The following EGFR variants were observed in gnomAD, a reference collection of about 807,000 sequenced individuals.
The protein encoded by EGFR is epidermal growth factor receptor.
In EGFR, 58 loss-of-function variants were observed where a neutral mutation model predicts 143.0. That is an observed-to-expected ratio of 0.41 (90% CI 0.33 to 0.50). EGFR has a LOEUF of 0.50. EGFR is among the 20% of genes least tolerant of loss of function. EGFR has a pLI of 0.39. For missense variants in EGFR, 1,307 were observed against 1,579.0 expected (o/e 0.83, Z 2.92); for synonymous variants, 613 against 594.4 (o/e 1.03, Z -0.45).
intron 1 of EGFR, among the ~76,000 whole-genome samples, chr7:55,020,345 G>A (rs1192975307): frequency 6.6e-6 from 1 of 152,242 alleles, no homozygotes; most frequent in Admixed American, 6.5e-5. Context: ...TGGGCTTCGC[G>A]GTGGAGCGGG....
intron 13 of EGFR, among the ~76,000 whole-genome samples, chr7:55,161,946 A>G (rs188404091): frequency 5.6e-4 from 85 of 152,362 alleles, no homozygotes; most frequent in African/African-American, 1.9e-3. Context: ...GACAGTCATC[A>G]ATGGTTCATC....
At chr7:55,170,693 AC>A (rs781307402) in intron 15 of EGFR, 277 of 1,559,782 alleles carry the variant, frequency 1.8e-4, no homozygotes, top group Non-Finnish European at 2.3e-4. Flanking sequence ...GCTAACCATC[AC>A]CCCCAGGACT....
intron 22 of EGFR, among the ~76,000 whole-genome samples, chr7:55,193,906 T>A (rs367889689): frequency 1.7e-3 from 266 of 152,332 alleles, no homozygotes; most frequent in African/African-American, 6.3e-3. Context: ...TCTGTTAAAA[T>A]GTAAGATTTA....
At chr7:55,044,618 T>C (rs1282320907) in intron 1 of EGFR, among the ~76,000 whole-genome samples, 1 of 152,174 alleles carries the variant, frequency 6.6e-6, no homozygotes, top group Non-Finnish European at 1.5e-5. Context: ...CCTTGGCATT[T>C]GGGCAGGGCA....
chr7:55,122,111 C>A (rs904922613), intron 1 of EGFR, among the ~76,000 whole-genome samples: 1 of 152,186 alleles, frequency 6.6e-6, no homozygotes, highest in African/African-American at 2.4e-5. Context: ...TCTCTAGGAG[C>A]CTCTGTGACC....
chr7:55,110,904 A>G (rs957181725), intron 1 of EGFR, among the ~76,000 whole-genome samples: 1 of 152,172 alleles, frequency 6.6e-6, no homozygotes. Flanking sequence ...CATTGACACT[A>G]TGCAGAAATG....
At chr7:55,040,055 T>C (rs1787812889) in intron 1 of EGFR, among the ~76,000 whole-genome samples, 1 of 152,162 alleles carries the variant, frequency 6.6e-6, no homozygotes, top group African/African-American at 2.4e-5. Flanking sequence ...TGTGTCCCGG[T>C]TTGAAAGCCA....
chr7:55,199,425 G>A (rs1460596551), intron 23 of EGFR, among the ~76,000 whole-genome samples: 1 of 152,248 alleles, frequency 6.6e-6, no homozygotes, highest in African/African-American at 2.4e-5. Flanking sequence ...CATGGGATGA[G>A]CATTTGCAAA....
At chr7:55,070,557 A>G (rs1277913475) in intron 1 of EGFR, among the ~76,000 whole-genome samples, 1 of 152,246 alleles carries the variant, frequency 6.6e-6, no homozygotes, top group Non-Finnish European at 1.5e-5. Flanking sequence ...AGCCTGTGAA[A>G]CATTGACAAG....
At position 55,205,339 on chromosome 7, in the gene EGFR, C is replaced by T. The variant is rs868454218; in HGVS notation, c.3355C>T (p.Pro1119Ser). 6.2e-6 allele frequency: 10 copies of T among 1,611,716 alleles called. No individual in the cohort carries two copies. In the African/African-American group the frequency reaches 1.3e-4, roughly 22 times the overall value. The change falls in exon 28 of 28, where the codon CCC becomes TCC. Residue 1119 changes from proline (P) to serine (S), a missense_variant. Physicochemically the swap from Pro to Ser is moderately conservative, Grantham distance 74. Coordinates refer to ENST00000275493, the MANE Select transcript of EGFR (RefSeq NM_005228.5). ...VYHNQPLNPA[P>S]SRDPHYQDPH... ...TCACAATCAGCCTCTGAACCCCGCG[C>T]CCAGCAGAGACCCACACTACCAGGA...
At position 55,174,733 on chromosome 7, in the gene EGFR, C is replaced by T. The variant is rs2128954588; in HGVS notation, c.2196C>T (p.Ile732=). The T allele has an allele frequency of 6.2e-7, 1 of 1,613,724 alleles. No individual in the cohort carries two copies. The highest frequency in any genetic ancestry group is 2.2e-5 in the East Asian group (1 of 44,880). Residue 732 remains isoleucine, a synonymous_variant, in exon 19 of 28, where the codon ATC becomes ATT. Coordinates refer to ENST00000275493, the MANE Select transcript of EGFR (RefSeq NM_005228.5). ...AFGTVYKGLW[I]PEGEKVKIPV... Reference sequence around the variant, plus strand: ...TCTCTCTGTCATAGGGACTCTGGATCCCAGAAGGTGAGAAAGTTAAAATTC... The same window carrying T: ...TCTCTCTGTCATAGGGACTCTGGATTCCAGAAGGTGAGAAAGTTAAAATTC...
chr7:55,150,271 T>A (rs1412691051), intron 4 of EGFR, among the ~76,000 whole-genome samples: 1 of 152,258 alleles, frequency 6.6e-6, no homozygotes, highest in East Asian at 1.9e-4. Flanking sequence ...CACGCCTGCG[T>A]AGGACCTTGC....
At position 55,092,070 on chromosome 7, in the gene EGFR, T is replaced by G. The variant is rs568740733; in HGVS notation, c.89-50216T>G. On this transcript the variant is annotated intron_variant, in intron 1 of 27. Transcript: ENST00000275493. Reference sequence around the variant, plus strand: ...CCACTAACTTGATTGTACAGCTGCTTAATGGATAGCAGGCTGTAATTTTCA... The same window carrying G: ...CCACTAACTTGATTGTACAGCTGCTGAATGGATAGCAGGCTGTAATTTTCA... 5.2e-4 allele frequency among the ~76,000 whole-genome samples: 79 copies of G among 152,340 alleles called. 1 individual carries two copies. The highest frequency in any genetic ancestry group is 1.8e-3 in the African/African-American group (75 of 41,584).
chr7:55,164,339 T>C (rs781735836), intron 14 of EGFR, among the ~76,000 whole-genome samples: 1 of 152,188 alleles, frequency 6.6e-6, no homozygotes, highest in Non-Finnish European at 1.5e-5. Flanking sequence ...AATGTCCTGA[T>C]GTTGTTAATT....
chr7:55,132,698 C>G (rs1287636832), intron 1 of EGFR, among the ~76,000 whole-genome samples: 1 of 152,182 alleles, frequency 6.6e-6, no homozygotes, highest in African/African-American at 2.4e-5. Flanking sequence ...TAGCACACCT[C>G]TACACTGCAT....
At chr7:55,157,503 C>T (rs2128939407) in intron 10 of EGFR, among the ~76,000 whole-genome samples, 160 bp from the exon 11 acceptor site, 1 of 152,336 alleles carries the variant, frequency 6.6e-6, no homozygotes, top group East Asian at 1.9e-4. Context: ...CCGCCCTGCG[C>T]ATGTACACTC....
At position 55,198,712 on chromosome 7, in the gene EGFR, C is replaced by T. The variant is rs754109027; in HGVS notation, c.2702-5C>T. ...CTGCCTTCTTTTCTTGCTTCATCCT[C>T]TCAGGGGTGACTGTTTGGGAGTTGA... On this transcript the variant is annotated splice_region_variant and splice_polypyrimidine_tract_variant and intron_variant, in intron 22 of 27. Coordinates refer to ENST00000275493, the MANE Select transcript of EGFR (RefSeq NM_005228.5). The T allele has an allele frequency of 6.2e-7, 1 of 1,614,222 alleles. No individual in the cohort carries two copies. The highest frequency in any genetic ancestry group is 1.3e-5 in the African/African-American group (1 of 75,066).
At position 55,095,694 on chromosome 7, in the gene EGFR, C is replaced by T. The variant is rs539775925; in HGVS notation, c.89-46592C>T. Among the ~76,000 whole-genome samples, 8 of 149,128 alleles carry T rather than the reference C, an allele frequency of 5.4e-5. No individual in the cohort carries two copies. The East Asian group carries it at 6.0e-4, about 11-fold the overall frequency. ...ATACACAGAAATACACACAGACACA[C>T]GCACACAGCACACAGAGATACACAC... On this transcript the variant is annotated intron_variant, in intron 1 of 27. Transcript: ENST00000275493.
At chr7:55,116,509 A>T (rs577902859) in intron 1 of EGFR, among the ~76,000 whole-genome samples, 3 of 150,504 alleles carry the variant, frequency 2.0e-5, no homozygotes, top group African/African-American at 7.3e-5. Flanking sequence ...TAAACTTTCA[A>T]GTATAACTAA....
Sources: allele counts gnomAD v4.1 joint callset (sites outside exome capture counted in the v4.1 genomes callset), GRCh38; gene constraint gnomAD v4.1.1; transcripts MANE v1.5; gene names NCBI Gene and HGNC (gene_info 2026-07-23, HGNC 2026-07-21).